Variants in AGTR1 observed in about 807,000 individuals in gnomAD.
The protein encoded by AGTR1 is angiotensin II receptor type 1.
Under a neutral mutation model 19.4 loss-of-function variants are expected in AGTR1, and 16 were observed. The observed-to-expected ratio is 0.82, with a 90% CI of 0.56 to 1.25. The LOEUF is 1.25. AGTR1 is among the 50% of genes most tolerant of loss of function. The probability of loss-of-function intolerance (pLI) is 0.00; values close to 1 mark genes in which losing one functional copy is unlikely to be tolerated. For synonymous variants in AGTR1, 153 were observed against 154.9 expected (o/e 0.99, Z 0.09); for missense variants, 373 against 431.9 (o/e 0.86, Z 1.21).
At position 148,723,503 on chromosome 3, in the gene AGTR1, A is replaced by C. The variant is rs537004987; in HGVS notation, c.-48+15476A>C. Among the ~76,000 whole-genome samples the C allele has an allele frequency of 3.3e-5, 5 of 152,346 alleles. No individual in the cohort carries two copies. In the East Asian group the frequency reaches 9.6e-4, roughly 29 times the overall value. ...ATGTCAAAATAGTATAAGAATACCCAAATCATGGATTCTATGCTGTATTCA... is the reference window on the plus strand; with the variant it reads ...ATGTCAAAATAGTATAAGAATACCCCAATCATGGATTCTATGCTGTATTCA... On this transcript the variant is annotated intron_variant, in intron 2 of 2. Transcript: ENST00000349243.
At chr3:148,723,863 AG>A (rs1159357787) in intron 2 of AGTR1, among the ~76,000 whole-genome samples, 1 of 152,218 alleles carries the variant, frequency 6.6e-6, no homozygotes, top group South Asian at 2.1e-4. Flanking sequence ...TAACAAACAG[AG>A]ACATACTTCA....
At chr3:148,700,390 A>C (rs556712847) in intron 1 of AGTR1, among the ~76,000 whole-genome samples, 1 of 152,092 alleles carries the variant, frequency 6.6e-6, no homozygotes, top group Non-Finnish European at 1.5e-5. Flanking sequence ...GTCTGCTGTC[A>C]TTTTATCTGT....
rs779475784 is a variant in AGTR1, at chr3:148,741,040, T to G, written c.5T>G (p.Ile2Ser). The G allele has an allele frequency of 1.2e-6, 2 of 1,613,884 alleles. No homozygotes were observed. Among genetic ancestry groups the G allele is most frequent in the Non-Finnish European group, 1.7e-6 (2 of 1,179,870 alleles). The change falls in exon 3 of 3, where the codon ATT (isoleucine) becomes AGT (serine). Residue 2 changes from isoleucine (I) to serine (S), a missense_variant. Ile to Ser is a moderately radical substitution (Grantham distance 142). Transcript: ENST00000349243. Reference protein sequence around the residue: MILNSSTEDGIK... With the variant: MSLNSSTEDGIK... Reference sequence around the variant, plus strand: ...AATTCGACCCAGGTGATCAAAATGATTCTCAACTCTTCTACTGAAGATGGT... The same window carrying G: ...AATTCGACCCAGGTGATCAAAATGAGTCTCAACTCTTCTACTGAAGATGGT...
chr3:148,740,556 G>C (rs1361613254), intron 2 of AGTR1, among the ~76,000 whole-genome samples: 1 of 152,168 alleles, frequency 6.6e-6, no homozygotes, highest in African/African-American at 2.4e-5. Context: ...GAATATGAAT[G>C]TGTCACACTT....
intron 1 of AGTR1, among the ~76,000 whole-genome samples, chr3:148,700,122 T>C (rs943403898): frequency 1.3e-5 from 2 of 152,192 alleles, no homozygotes; most frequent in Non-Finnish European, 2.9e-5. Context: ...TTCTCACTTT[T>C]CTTTTTCTTC....
Position 148,741,355 on chromosome 3 carries a change from G to C in AGTR1, c.320G>C (p.Ser107Thr). ...TACCTATGTAAGATTGCTTCAGCCA[G>C]CGTCAGTTTCAACCTGTACGCTAGT... Reference protein sequence around the residue: ...GNYLCKIASASVSFNLYASVF... With the variant: ...GNYLCKIASATVSFNLYASVF... The change falls in exon 3 of 3, where the codon AGC becomes ACC. Residue 107 changes from serine to threonine, a missense_variant. Physicochemically the swap from Ser to Thr is moderately conservative, Grantham distance 58. Transcript: ENST00000349243. The C allele has an allele frequency of 1.9e-6, 3 of 1,606,062 alleles. No individual in the cohort carries two copies. The highest frequency in any genetic ancestry group is 1.7e-4 in the Middle Eastern group (1 of 6,052).
intron 2 of AGTR1, among the ~76,000 whole-genome samples, chr3:148,739,583 C>G (rs993256340): frequency 2.0e-5 from 3 of 152,140 alleles, no homozygotes; most frequent in Admixed American, 6.5e-5. Flanking sequence ...GGGAGAACAA[C>G]TTTACTTACT....
chr3:148,701,531 T>C (rs1712340978), intron 1 of AGTR1, among the ~76,000 whole-genome samples: 1 of 152,214 alleles, frequency 6.6e-6, no homozygotes, highest in Non-Finnish European at 1.5e-5. Context: ...GAATTTGTTT[T>C]TGTTTTGTTT....
chr3:148,708,086 A>G lies in AGTR1; in HGVS notation c.-48+59A>G, dbSNP rs2276736. On this transcript the variant is annotated intron_variant, in intron 2 of 2. Coordinates refer to ENST00000349243, the MANE Select transcript of AGTR1 (RefSeq NM_000685.5). ...CAGCAGTTTTCTTTAATGTGTCAGC[A>G]GTGGGGAGAGCGCAAAAACCCACAC... 0.38 allele frequency: 58,324 copies of G among 151,810 alleles called. 11,689 individuals carry two copies. Among genetic ancestry groups the G allele is most frequent in the African/African-American group, 0.51 (21,215 of 41,342 alleles). 9.4% of individuals were successfully genotyped at this position (151,810 alleles called of 1,614,324 possible). A position where few individuals can be genotyped will look rare whatever the true frequency, so the allele number is the denominator to read the frequency against.
In AGTR1 at chr3:148,742,366, G is replaced by A. The variant is rs886058072; in HGVS notation, c.*251G>A. ...GCTCGAAGAACAATGTCAGAAACTC[G>A]ATGAATGTGTTGATTTGAGAAATTT... On this transcript the variant is annotated 3_prime_UTR_variant, in exon 3 of 3. Coordinates refer to ENST00000349243, the MANE Select transcript of AGTR1 (RefSeq NM_000685.5). The A allele has an allele frequency of 2.5e-5, 15 of 593,448 alleles. No individual in the cohort carries two copies. The highest frequency in any genetic ancestry group is 1.5e-4 in the African/African-American group (8 of 53,576). 36.8% of individuals were successfully genotyped at this position (593,448 alleles called of 1,614,324 possible).
chr3:148,713,792 A>G (rs1713136843), intron 2 of AGTR1, among the ~76,000 whole-genome samples: 1 of 152,146 alleles, frequency 6.6e-6, no homozygotes, highest in South Asian at 2.1e-4. Flanking sequence ...AGACAGGGCT[A>G]TGTTTTAGAT....
At chr3:148,699,456 G>A (rs1712195178) in intron 1 of AGTR1, among the ~76,000 whole-genome samples, 1 of 152,032 alleles carries the variant, frequency 6.6e-6, no homozygotes, top group African/African-American at 2.4e-5. Flanking sequence ...CTGTCCTCAG[G>A]CTGTGATGTA....
At chr3:148,719,140 G>A (rs1041609917) in intron 2 of AGTR1, among the ~76,000 whole-genome samples, 1 of 152,194 alleles carries the variant, frequency 6.6e-6, no homozygotes, top group African/African-American at 2.4e-5. Flanking sequence ...CAGCCAGCTA[G>A]TAATGGTTTT....
intron 2 of AGTR1, among the ~76,000 whole-genome samples, chr3:148,719,832 A>C: frequency 6.6e-6 from 1 of 152,266 alleles, no homozygotes; most frequent in East Asian, 1.9e-4. Flanking sequence ...CACCCAGAGC[A>C]GCAAGCCGGT....
chr3:148,741,565 T>C lies in AGTR1; in HGVS notation c.530T>C (p.Ile177Thr). Residue 177 changes from isoleucine to threonine, a missense_variant, in exon 3 of 3, where the codon ATT becomes ACT. Transcript: ENST00000349243. Reference protein sequence around the residue: ...RNVFFIENTNITVCAFHYESQ... With the variant: ...RNVFFIENTNTTVCAFHYESQ... ...GTATTTTTCATTGAGAACACCAATATTACAGTTTGTGCTTTCCATTATGAG... is the reference window on the plus strand; with the variant it reads ...GTATTTTTCATTGAGAACACCAATACTACAGTTTGTGCTTTCCATTATGAG... The C allele has an allele frequency of 1.2e-6, 2 of 1,614,086 alleles. No individual in the cohort carries two copies. Among genetic ancestry groups the C allele is most frequent in the Non-Finnish European group, 1.7e-6 (2 of 1,179,950 alleles).
Position 148,705,642 on chromosome 3 carries a change from C to T in AGTR1, c.-131-2302C>T, listed in dbSNP as rs190845245. 5.8e-3 allele frequency among the ~76,000 whole-genome samples: 887 copies of T among 152,012 alleles called. 8 individuals carry two copies. Among genetic ancestry groups the T allele is most frequent in the African/African-American group, 0.021 (858 of 41,476 alleles). On this transcript the variant is annotated intron_variant, in intron 1 of 2. Coordinates refer to ENST00000349243, the MANE Select transcript of AGTR1 (RefSeq NM_000685.5). ...GAGAGAACACACAGTTATTCCTATT[C>T]CTTTTAATTTCCATTAACTTAAGCC...
chr3:148,741,161 A>AT lies in AGTR1; in HGVS notation c.126_127insT (p.Ile43TyrfsTer32). 1 of 1,614,124 alleles carries AT rather than the reference A, an allele frequency of 6.2e-7. No homozygotes were observed. Among genetic ancestry groups the AT allele is most frequent in the Admixed American group, 1.7e-5 (1 of 60,000 alleles). ...TATACAGTATCATCTTTGTGGTGGG[A>AT]ATATTTGGAAACAGCTTGGTGGTGA... On this transcript the variant is annotated frameshift_variant, in exon 3 of 3. Coordinates refer to ENST00000349243, the MANE Select transcript of AGTR1 (RefSeq NM_000685.5). LOFTEE classifies it high-confidence loss of function.
intron 2 of AGTR1, among the ~76,000 whole-genome samples, chr3:148,739,485 G>T (rs1714755352): frequency 6.6e-6 from 1 of 152,146 alleles, no homozygotes; most frequent in African/African-American, 2.4e-5. Flanking sequence ...CTAATGTCCT[G>T]GTGAGTCAAA....
At chr3:148,711,046 A>G (rs796498594) in intron 2 of AGTR1, among the ~76,000 whole-genome samples, 35 of 152,278 alleles carry the variant, frequency 2.3e-4, no homozygotes, top group African/African-American at 8.4e-4. Context: ...GAGTCAGTTA[A>G]AGCTCTTTTC....
Sources: gnomAD v4.1 joint callset for allele counts (sites outside exome capture counted in the v4.1 genomes callset) on GRCh38, gnomAD v4.1.1 for gene constraint, MANE v1.5 for transcripts, NCBI Gene and HGNC (gene_info 2026-07-23, HGNC 2026-07-21) for gene names.